Variants in UNKL observed in about 807,000 individuals in gnomAD.
UNKL encodes unk like zinc finger.
In UNKL, 60 loss-of-function variants were observed where a neutral mutation model predicts 78.0. That is an observed-to-expected ratio of 0.77 (90% CI 0.63 to 0.95). UNKL has a LOEUF of 0.95. Ranked by LOEUF, UNKL falls within the 40% of genes least tolerant of loss-of-function variation. UNKL has a pLI of 0.00. For synonymous variants in UNKL, 608 were observed against 474.8 expected, an observed-to-expected ratio of 1.28 and a Z score of -3.65; for missense variants, 1,159 against 1,045.7, an observed-to-expected ratio of 1.11 and a Z score of -1.49.
In UNKL at chr16:1,394,164, G is replaced by A. The variant is rs753588824; in HGVS notation, c.904C>T (p.Arg302Cys). Residue 302 changes from arginine to cysteine, a missense_variant, in exon 7 of 15, where the codon CGC becomes TGC. Arg to Cys is a radical substitution (Grantham distance 180, BLOSUM62 -3). Transcript: ENST00000389221. ...NDMRQTGYCPRGPFCAFAHVE... is the reference protein window; with the variant it reads ...NDMRQTGYCPCGPFCAFAHVE... ...TGTGCAAAGGCACAGAAGGGGCCGC[G>A]CGGGCAGTACCCGGTTTGGCGCATG... is the stretch of plus-strand genomic sequence containing the variant. 1.9e-6 allele frequency: 3 copies of A among 1,550,738 alleles called. No homozygotes were observed. The highest frequency in any genetic ancestry group is 2.4e-5 in the South Asian group (2 of 84,062).
At chr16:1,379,708 G>A (rs1596692798) in intron 10 of UNKL, 3 of 880,916 alleles carry the variant, frequency 3.4e-6, no homozygotes, top group East Asian at 2.5e-4. Context: ...CGCCCCCTCC[G>A]CGCTGGCCCC....
In UNKL at chr16:1,367,777, C is replaced by T; in HGVS notation, c.1667G>A (p.Gly556Asp). Residue 556 changes from glycine (G) to aspartate (D), a missense_variant, in exon 13 of 15, where the codon GGC (glycine) becomes GAC (aspartate). Transcript: ENST00000389221. ...ACTTGCACTCGAAGAGGATGGGGGGCCGGCACTCAGGATGGGGGAGGGGCT... is the reference window on the plus strand; with the variant it reads ...ACTTGCACTCGAAGAGGATGGGGGGTCGGCACTCAGGATGGGGGAGGGGCT... ...SPSPSPILSA[G>D]PPSSSSASPN... The T allele has an allele frequency of 1.3e-6, 2 of 1,572,980 alleles. No individual in the cohort carries two copies. Among genetic ancestry groups the T allele is most frequent in the Non-Finnish European group, 8.6e-7 (1 of 1,159,666 alleles).
intron 2 of UNKL, among the ~76,000 whole-genome samples, chr16:1,411,297 G>A (rs1313201065): frequency 1.3e-5 from 2 of 152,174 alleles, no homozygotes; most frequent in East Asian, 3.8e-4. Context: ...GCTGCAATGA[G>A]CTGAGATCGT....
chr16:1,366,233 G>A lies in UNKL; in HGVS notation c.*7C>T, dbSNP rs369778234. ...TGCCCAGCAGGAGGTGGCTGTCCCC[G>A]CTGAGGTCACCACTGCAGGGGCTGG... On this transcript the variant is annotated 3_prime_UTR_variant, in exon 15 of 15. Coordinates refer to ENST00000389221, the MANE Select transcript of UNKL (RefSeq NM_001372107.1). 4.3e-5 allele frequency: 66 copies of A among 1,532,020 alleles called. No homozygotes were observed. The South Asian group carries it at 5.0e-4, about 12-fold the overall frequency. 94.9% of individuals were successfully genotyped at this position (1,532,020 alleles called of 1,614,324 possible). A position where few individuals can be genotyped will look rare whatever the true frequency, so the allele number is the denominator to read the frequency against.
At chr16:1,386,098 C>A (rs2036801734) in intron 9 of UNKL, among the ~76,000 whole-genome samples, 1 of 152,346 alleles carries the variant, frequency 6.6e-6, no homozygotes, top group East Asian at 1.9e-4. Context: ...CAAAACCAAG[C>A]ATCAAAAGCT....
rs2035118965 is a variant in UNKL, at chr16:1,364,898, A to T, written c.*1342T>A. 6.6e-6 allele frequency: 1 copy of T among 152,278 alleles called. No homozygotes were observed. The highest frequency in any genetic ancestry group is 2.1e-4 in the South Asian group (1 of 4,826). The allele number at this position is 152,278 out of a possible 1,614,324, so 9.4% of individuals were successfully genotyped here. ...GTGCTGGGGAGGCAACCACTCTCCC[A>T]GTTCACTGCCTGACCCCTGCCAGGA... On this transcript the variant is annotated 3_prime_UTR_variant, in exon 15 of 15. Coordinates refer to ENST00000389221, the MANE Select transcript of UNKL (RefSeq NM_001372107.1).
intron 6 of UNKL, among the ~76,000 whole-genome samples, chr16:1,394,845 C>A (rs1348579756): frequency 6.6e-6 from 1 of 152,218 alleles, no homozygotes; most frequent in African/African-American, 2.4e-5. Context: ...CCTTCCACCA[C>A]GTCGGGCACC....
chr16:1,381,719 T>C lies in UNKL; in HGVS notation c.1264+3489A>G, dbSNP rs113658422. Among the ~76,000 whole-genome samples, 257 of 152,278 alleles carry C rather than the reference T, an allele frequency of 1.7e-3. 3 individuals carry two copies. Among genetic ancestry groups the C allele is most frequent in the African/African-American group, 5.3e-3 (222 of 41,546 alleles). ...AAGGGGATGTGTGAATTTGAGGGTGTGATTTAGTAAGATCCAGGGCCCTGG... is the reference window on the plus strand; with the variant it reads ...AAGGGGATGTGTGAATTTGAGGGTGCGATTTAGTAAGATCCAGGGCCCTGG... On this transcript the variant is annotated intron_variant, in intron 10 of 14. Coordinates refer to ENST00000389221, the MANE Select transcript of UNKL (RefSeq NM_001372107.1).
At chr16:1,407,760 G>T (rs1045545458) in intron 2 of UNKL, among the ~76,000 whole-genome samples, 28 of 151,998 alleles carry the variant, frequency 1.8e-4, no homozygotes, top group African/African-American at 6.3e-4. Context: ...CCACAGGAAT[G>T]GGGCAAGCCT....
At chr16:1,378,622 CACTCA>C (rs1367493550) in intron 10 of UNKL, among the ~76,000 whole-genome samples, 2 of 152,212 alleles carry the variant, frequency 1.3e-5, no homozygotes, top group Non-Finnish European at 2.9e-5. Flanking sequence ...CTACGGCTCG[CACTCA>C]ACTCAGAGGG....
At chr16:1,367,012 ACCAGCCAGGGCCCTCC>A in intron 14 of UNKL, 64 bp downstream of exon 14, 1 of 1,441,552 alleles carries the variant, frequency 6.9e-7, no homozygotes, top group African/African-American at 1.4e-5. Context: ...GGGACACCGC[ACCAGCCAGGGCCCTCC>A]CCAGACAGGG....
intron 10 of UNKL, 36 bp downstream of exon 10, chr16:1,385,172 G>T: frequency 8.1e-7 from 1 of 1,238,508 alleles, no homozygotes; most frequent in South Asian, 3.4e-5. Flanking sequence ...AACACAGAAG[G>T]AGGTCAGGGA....
chr16:1,400,275 G>A (rs576062909), intron 4 of UNKL, among the ~76,000 whole-genome samples: 13 of 151,488 alleles, frequency 8.6e-5, no homozygotes, highest in African/African-American at 2.9e-4. Flanking sequence ...AAAATTAGCC[G>A]GGCATACTGG....
intron 9 of UNKL, among the ~76,000 whole-genome samples, chr16:1,386,236 C>A (rs1379058526): frequency 6.6e-6 from 1 of 152,066 alleles, no homozygotes; most frequent in Non-Finnish European, 1.5e-5. Context: ...TGGCGAAACC[C>A]TGTCTCTACT....
chr16:1,406,600 G>C (rs1567238077), intron 2 of UNKL, among the ~76,000 whole-genome samples: 1 of 152,124 alleles, frequency 6.6e-6, no homozygotes, highest in Non-Finnish European at 1.5e-5. Context: ...TAGGCCTCCT[G>C]AAGTATTTGG....
chr16:1,367,389 T>A, intron 13 of UNKL, 40 bp from the exon 14 acceptor site: 1 of 1,497,028 alleles, frequency 6.7e-7, no homozygotes, highest in Non-Finnish European at 8.9e-7. Context: ...CCACCTCACC[T>A]GTGCCACCTG....
chr16:1,399,552 G>C lies in UNKL; in HGVS notation c.599-43C>G, dbSNP rs2037423771. The C allele has an allele frequency of 1.9e-6, 3 of 1,559,768 alleles. No homozygotes were observed. In the East Asian group the frequency reaches 7.2e-5, roughly 37 times the overall value. On this transcript the variant is annotated intron_variant, in intron 4 of 14. Transcript: ENST00000389221. The surrounding 1 kb of genome is among the most constrained non-coding windows in gnomAD (Gnocchi z 5.8). ...CGGTGCCTGAGCAGCGCGACTGGAAGCAATGCTGGGCAGAGGAGACCAAAG... is the reference window on the plus strand; with the variant it reads ...CGGTGCCTGAGCAGCGCGACTGGAACCAATGCTGGGCAGAGGAGACCAAAG...
intron 11 of UNKL, among the ~76,000 whole-genome samples, 190 bp downstream of exon 11, chr16:1,371,329 C>T (rs570890095): frequency 2.0e-5 from 3 of 152,232 alleles, no homozygotes; most frequent in African/African-American, 4.8e-5. Context: ...GAGGAGGTAC[C>T]GCCAGAAGGG....
intron 10 of UNKL, among the ~76,000 whole-genome samples, chr16:1,375,663 G>A (rs1321128379): frequency 6.6e-6 from 1 of 152,186 alleles, no homozygotes; most frequent in African/African-American, 2.4e-5. Flanking sequence ...GTAACAGGTT[G>A]GGGGTCGGGG....
Sources: allele counts gnomAD v4.1 joint callset (sites outside exome capture counted in the v4.1 genomes callset), GRCh38; gene constraint gnomAD v4.1.1; non-coding constraint Gnocchi (gnomAD v3.1); transcripts MANE v1.5; gene names NCBI Gene and HGNC (gene_info 2026-07-23, HGNC 2026-07-21).